The following OR9Q1 variants were observed in gnomAD, a reference collection of about 807,000 sequenced individuals.
The protein encoded by OR9Q1 is olfactory receptor family 9 subfamily Q member 1.
For synonymous variants in OR9Q1, 153 were observed against 148.6 expected, an observed-to-expected ratio of 1.03 and a Z score of -0.22; for missense variants, 374 against 378.8, an observed-to-expected ratio of 0.99 and a Z score of 0.11.
chr11:58,108,016 C>T (rs1853859125), intron 2 of OR9Q1, among the ~76,000 whole-genome samples: 1 of 152,072 alleles, frequency 6.6e-6, no homozygotes, highest in Non-Finnish European at 1.5e-5. Context: ...GAGGCAGGCA[C>T]TGTGTTTAGG....
At chr11:58,179,283 C>A in intron 2 of OR9Q1, 148 bp from the exon 3 acceptor site, 1 of 528,532 alleles carries the variant, frequency 1.9e-6, no homozygotes, top group Admixed American at 3.6e-5. Context: ...GCCTCGCTTC[C>A]AAAGTGCTGA....
chr11:58,108,367 A>T (rs1032822771), intron 2 of OR9Q1, among the ~76,000 whole-genome samples: 1 of 152,096 alleles, frequency 6.6e-6, no homozygotes, highest in Non-Finnish European at 1.5e-5. Flanking sequence ...CAACTAAGAA[A>T]CCCAAGCATG....
chr11:58,128,342 T>A (rs992554471), intron 2 of OR9Q1, among the ~76,000 whole-genome samples: 2 of 150,358 alleles, frequency 1.3e-5, no homozygotes, highest in African/African-American at 4.9e-5. Context: ...ATTAAAGCAA[T>A]CTTTTTCAGA....
At chr11:58,025,998 T>C (rs1449859118) in intron 1 of OR9Q1, among the ~76,000 whole-genome samples, 1 of 152,240 alleles carries the variant, frequency 6.6e-6, no homozygotes, top group Non-Finnish European at 1.5e-5. Context: ...TTCTTGATCT[T>C]ACCTGTCCTG....
chr11:58,138,831 A>G (rs536728086), intron 2 of OR9Q1, among the ~76,000 whole-genome samples: 4 of 152,320 alleles, frequency 2.6e-5, no homozygotes, highest in African/African-American at 7.2e-5. Context: ...ATTAATAACT[A>G]TAGTCACCAT....
At chr11:58,140,419 G>C (rs1854235421) in intron 2 of OR9Q1, among the ~76,000 whole-genome samples, 1 of 152,064 alleles carries the variant, frequency 6.6e-6, no homozygotes, top group African/African-American at 2.4e-5. Context: ...TATGGTTTTA[G>C]GTCTAACATG....
Position 58,129,057 on chromosome 11 carries a change from C to A in OR9Q1, c.-14-50374C>A, listed in dbSNP as rs980187185. Among the ~76,000 whole-genome samples, 9 of 152,222 alleles carry A rather than the reference C, an allele frequency of 5.9e-5. No homozygotes were observed. The South Asian group carries it at 1.2e-3, about 21-fold the overall frequency. The stretch of plus-strand genomic sequence containing the variant: ...GTTAAATAACATAAAAATCTCAGTG[C>A]TTTAAAACAGCACAGATTTATTTCT... On this transcript the variant is annotated intron_variant, in intron 2 of 2. Coordinates refer to ENST00000335397, the MANE Select transcript of OR9Q1 (RefSeq NM_001005212.4).
At chr11:58,139,796 C>G (rs1237367330) in intron 2 of OR9Q1, among the ~76,000 whole-genome samples, 1 of 152,012 alleles carries the variant, frequency 6.6e-6, no homozygotes, top group South Asian at 2.1e-4. Flanking sequence ...TGGGTATATA[C>G]CCAGTAATGG....
At chr11:58,083,601 T>G (rs1270911070) in intron 2 of OR9Q1, among the ~76,000 whole-genome samples, 1 of 149,516 alleles carries the variant, frequency 6.7e-6, no homozygotes, top group East Asian at 1.9e-4. Context: ...AGGTCTTACA[T>G]TTAAGTCTTT....
intron 2 of OR9Q1, among the ~76,000 whole-genome samples, chr11:58,110,353 T>C (rs1853887283): frequency 6.6e-6 from 1 of 152,212 alleles, no homozygotes; most frequent in South Asian, 2.1e-4. Context: ...CAATTCCTTG[T>C]GAGCACTTTC....
chr11:58,154,787 TAGTC>T (rs1002882569), intron 2 of OR9Q1, among the ~76,000 whole-genome samples: 4 of 152,186 alleles, frequency 2.6e-5, no homozygotes, highest in Non-Finnish European at 5.9e-5. Context: ...TCACATAACA[TAGTC>T]AGCAGCTGAG....
chr11:58,054,664 C>A (rs1157607385), intron 1 of OR9Q1, among the ~76,000 whole-genome samples: 2 of 152,172 alleles, frequency 1.3e-5, no homozygotes, highest in African/African-American at 4.8e-5. Context: ...CCAGGTGTGG[C>A]GGCTCATGCC....
intron 2 of OR9Q1, among the ~76,000 whole-genome samples, chr11:58,176,938 A>G (rs906985630): frequency 1.3e-5 from 2 of 152,190 alleles, no homozygotes; most frequent in African/African-American, 4.8e-5. Flanking sequence ...AAAATAGTGG[A>G]CAAAGAGAGA....
At chr11:58,173,472 T>C (rs926167803) in intron 2 of OR9Q1, among the ~76,000 whole-genome samples, 3 of 151,758 alleles carry the variant, frequency 2.0e-5, no homozygotes, top group Non-Finnish European at 4.4e-5. Context: ...GAACTCATCA[T>C]TTTTTATGGC....
intron 2 of OR9Q1, among the ~76,000 whole-genome samples, chr11:58,081,123 C>T (rs1205879584): frequency 6.6e-6 from 1 of 152,274 alleles, no homozygotes; most frequent in Admixed American, 6.5e-5. Flanking sequence ...CAGCTTCATC[C>T]ATGTCCCTAC....
chr11:58,064,308 G>T (rs1334636419), intron 2 of OR9Q1, among the ~76,000 whole-genome samples: 1 of 152,214 alleles, frequency 6.6e-6, no homozygotes, highest in East Asian at 1.9e-4. Flanking sequence ...CTCGTCTCCC[G>T]TTTTGTAGAA....
intron 2 of OR9Q1, among the ~76,000 whole-genome samples, chr11:58,163,568 G>GT (rs1439847751): frequency 6.6e-6 from 1 of 152,224 alleles, no homozygotes; most frequent in Non-Finnish European, 1.5e-5. Context: ...GTCTGTGCCA[G>GT]TTGCTTCTCT....
intron 2 of OR9Q1, among the ~76,000 whole-genome samples, chr11:58,141,614 G>T (rs11229264): frequency 2.0e-5 from 3 of 151,864 alleles, no homozygotes; most frequent in Non-Finnish European, 4.4e-5. Context: ...TGCTGGATTC[G>T]GTTTGCCAGT....
intron 2 of OR9Q1, among the ~76,000 whole-genome samples, chr11:58,083,645 AG>A (rs1853609485): frequency 6.7e-6 from 1 of 149,830 alleles, no homozygotes; most frequent in African/African-American, 2.5e-5. Context: ...ATATGCTGAA[AG>A]GTAAGGGTCC....
Sources: allele counts gnomAD v4.1 joint callset (sites outside exome capture counted in the v4.1 genomes callset), GRCh38; gene constraint gnomAD v4.1.1; transcripts MANE v1.5; gene names NCBI Gene and HGNC (gene_info 2026-07-23, HGNC 2026-07-21).